The following KCNIP4 variants were observed in gnomAD, a reference collection of about 807,000 sequenced individuals.
KCNIP4 encodes Kv channel-interacting protein 4.
In KCNIP4, 12 loss-of-function variants were observed where a neutral mutation model predicts 34.0. That is an observed-to-expected ratio of 0.35 (90% CI 0.23 to 0.57). KCNIP4 has a LOEUF of 0.57. Among genes scored for constraint, KCNIP4 ranks in the 20% least tolerant of loss-of-function variants. The probability of loss-of-function intolerance (pLI) is 0.83; values close to 1 mark genes in which losing one functional copy is unlikely to be tolerated. For missense variants in KCNIP4, 238 were observed against 311.7 expected (o/e 0.76, Z 1.78); for synonymous variants, 124 against 102.2 (o/e 1.21, Z -1.29).
At chr4:21,015,454 C>A (rs1739419012) in intron 1 of KCNIP4, among the ~76,000 whole-genome samples, 1 of 137,390 alleles carries the variant, frequency 7.3e-6, no homozygotes, top group Admixed American at 7.8e-5. Context: ...TATATTATAT[C>A]ATATAATATA....
intron 1 of KCNIP4, among the ~76,000 whole-genome samples, chr4:21,736,283 T>C (rs1229456831): frequency 6.6e-6 from 1 of 152,116 alleles, no homozygotes; most frequent in East Asian, 1.9e-4. Context: ...CCTATTAATT[T>C]CTCACTAGAA....
intron 1 of KCNIP4, among the ~76,000 whole-genome samples, chr4:21,774,974 G>T (rs527872225): frequency 6.6e-6 from 1 of 152,224 alleles, no homozygotes; most frequent in East Asian, 1.9e-4. Flanking sequence ...CCTCTGTCTA[G>T]TTCTGTGTCC....
Position 21,196,071 on chromosome 4 carries a change from TC to T in KCNIP4, c.62-313363del, listed in dbSNP as rs557281225. Among the ~76,000 whole-genome samples the T allele has an allele frequency of 5.9e-5, 9 of 152,384 alleles. No homozygotes were observed. In the South Asian group the frequency reaches 1.9e-3, roughly 32 times the overall value. ...AAACTTTGCTCTGGAGGCATGGACT[TC>T]TTAAAGAATTTTAGAGTATTTTAAT... On this transcript the variant is annotated intron_variant, in intron 1 of 8. Coordinates refer to ENST00000382152, the MANE Select transcript of KCNIP4 (RefSeq NM_025221.6).
chr4:21,380,839 G>GACACACACAC, intron 1 of KCNIP4, among the ~76,000 whole-genome samples: 1 of 149,702 alleles, frequency 6.7e-6, no homozygotes, highest in South Asian at 2.1e-4. Context: ...TTCCATTGGT[G>GACACACACAC]ACACACACAC....
intron 1 of KCNIP4, among the ~76,000 whole-genome samples, chr4:21,337,415 G>C (rs960910688): frequency 6.6e-6 from 1 of 152,142 alleles, no homozygotes; most frequent in African/African-American, 2.4e-5. Flanking sequence ...GGGCTGTTCA[G>C]GGGGTTTGAG....
intron 1 of KCNIP4, among the ~76,000 whole-genome samples, chr4:21,752,601 G>A: frequency 6.6e-6 from 1 of 152,080 alleles, no homozygotes; most frequent in Non-Finnish European, 1.5e-5. Context: ...AAAAAGGGAG[G>A]GATGGAAGAC....
At chr4:20,902,621 G>A (rs930910845) in intron 1 of KCNIP4, among the ~76,000 whole-genome samples, 4 of 152,116 alleles carry the variant, frequency 2.6e-5, no homozygotes, top group Non-Finnish European at 4.4e-5. Flanking sequence ...CCGGGTTCAC[G>A]TGATTCTCTT....
intron 1 of KCNIP4, among the ~76,000 whole-genome samples, chr4:20,986,282 G>T (rs1054721977): frequency 1.3e-5 from 2 of 152,128 alleles, no homozygotes; most frequent in African/African-American, 4.8e-5. Flanking sequence ...CCTGCCAAAG[G>T]TGCTTTTCAT....
intron 1 of KCNIP4, among the ~76,000 whole-genome samples, chr4:21,884,951 T>TC (rs77800244): frequency 0.59 from 89,262 of 151,600 alleles, 28,810 homozygotes; most frequent in Admixed American, 0.74. Flanking sequence ...TACAGTAGCC[T>TC]CCCCCCCACT....
chr4:21,928,125 T>C (rs62301452), intron 1 of KCNIP4, among the ~76,000 whole-genome samples: 13,241 of 124,332 alleles, frequency 0.11, 1,379 homozygotes, highest in African/African-American at 0.27. Context: ...TATATATATA[T>C]ATACACACAC....
intron 1 of KCNIP4, among the ~76,000 whole-genome samples, chr4:21,376,213 T>TTGC (rs1185312075): frequency 5.9e-5 from 9 of 152,314 alleles, no homozygotes; most frequent in Admixed American, 5.9e-4. Flanking sequence ...TTTAAAAAGA[T>TTGC]AACACTTGCA....
chr4:21,090,160 C>A (rs1746866979), intron 1 of KCNIP4, among the ~76,000 whole-genome samples: 1 of 152,134 alleles, frequency 6.6e-6, no homozygotes. Flanking sequence ...GTTCTCTTCC[C>A]TCACCGAGCT....
chr4:21,346,853 A>T (rs1340947744), intron 1 of KCNIP4, among the ~76,000 whole-genome samples: 1 of 152,188 alleles, frequency 6.6e-6, no homozygotes, highest in African/African-American at 2.4e-5. Context: ...AAGATAAAAA[A>T]GATGACTCAA....
At chr4:21,221,451 G>T (rs1215109222) in intron 1 of KCNIP4, among the ~76,000 whole-genome samples, 6 of 152,142 alleles carry the variant, frequency 3.9e-5, no homozygotes, top group African/African-American at 1.2e-4. Context: ...GGAAGGGGAA[G>T]CAAGGCACCT....
At chr4:21,371,714 T>G (rs1057394068) in intron 1 of KCNIP4, among the ~76,000 whole-genome samples, 1 of 147,186 alleles carries the variant, frequency 6.8e-6, no homozygotes, top group Non-Finnish European at 1.5e-5. Context: ...ATGTATGGAA[T>G]GTACTAGAAA....
At chr4:21,054,707 C>CAAAAAAAAAAAA (rs34366909) in intron 1 of KCNIP4, among the ~76,000 whole-genome samples, 1 of 86,206 alleles carries the variant, frequency 1.2e-5, no homozygotes. Context: ...TACTCACATG[C>CAAAAAAAAAAAA]AAAAAAAAAA....
intron 1 of KCNIP4, among the ~76,000 whole-genome samples, chr4:21,227,762 T>G (rs977553694): frequency 1.3e-5 from 2 of 152,172 alleles, no homozygotes; most frequent in Non-Finnish European, 2.9e-5. Context: ...TGTAGTATGC[T>G]CTACACTATG....
chr4:21,829,258 G>GT (rs1722841485), intron 1 of KCNIP4, among the ~76,000 whole-genome samples: 1 of 151,874 alleles, frequency 6.6e-6, no homozygotes, highest in Non-Finnish European at 1.5e-5. Context: ...CCATTGTAAA[G>GT]TAAAAAAAAT....
intron 1 of KCNIP4, among the ~76,000 whole-genome samples, chr4:21,620,439 T>G (rs944756886): frequency 4.6e-5 from 7 of 152,070 alleles, no homozygotes; most frequent in Admixed American, 1.3e-4. Context: ...GAGGCAGAGG[T>G]TGCAGTGAGC....
Sources: allele counts gnomAD v4.1 joint callset (sites outside exome capture counted in the v4.1 genomes callset), GRCh38; gene constraint gnomAD v4.1.1; transcripts MANE v1.5; gene names NCBI Gene and HGNC (gene_info 2026-07-23, HGNC 2026-07-21).